INTS2: variants seen among roughly 807,000 people sequenced by gnomAD.
INTS2 encodes integrator complex subunit 2.
A neutral mutation model predicts 139.6 loss-of-function variants in INTS2; 57 were observed. That is an observed-to-expected ratio of 0.41 (90% confidence interval 0.33 to 0.51). The LOEUF (loss-of-function observed/expected upper bound fraction) is 0.51. Among genes scored for constraint, INTS2 ranks in the 20% least tolerant of loss-of-function variants. The pLI, the probability that INTS2 is intolerant of heterozygous loss-of-function variation, is 0.28. For missense variants in INTS2, 1,196 were observed against 1,436.7 expected, an observed-to-expected ratio of 0.83 and a Z score of 2.71; for synonymous variants, 473 against 493.4, an observed-to-expected ratio of 0.96 and a Z score of 0.55.
At chr17:61,878,615 T>C (rs1173539321) in intron 17 of INTS2, among the ~76,000 whole-genome samples, 1 of 149,744 alleles carries the variant, frequency 6.7e-6, no homozygotes, top group East Asian at 2.0e-4. Context: ...AGTGTAGTTG[T>C]TCTTTCATAA....
At position 61,884,937 on chromosome 17, in the gene INTS2, T is replaced by C. The variant is rs2079212050; in HGVS notation, c.2053A>G (p.Ile685Val). 6.2e-7 allele frequency: 1 copy of C among 1,609,136 alleles called. No individual in the cohort carries two copies. Among genetic ancestry groups the C allele is most frequent in the Non-Finnish European group, 8.5e-7 (1 of 1,177,574 alleles). ...LMDQIPIKFL[I>V]RQAQGLQQEL... is the part of the protein sequence containing the mutation. ...TGCTGCAGCCCTTGAGCCTGTCGAA[T>C]AAGGAATTTGATAGGAATCTGATCC... The change falls in exon 16 of 25, where the codon ATT becomes GTT. Residue 685 changes from isoleucine (I) to valine (V), a missense_variant. Physicochemically the swap from Ile to Val is conservative, Grantham distance 29 (BLOSUM62 3). Around this residue, in one of 3 missense-constraint regions of INTS2, gnomAD observed 1,129 missense variants for 1,341.9 expected, o/e 0.84. Transcript: ENST00000251334.
At position 61,900,756 on chromosome 17, in the gene INTS2, G is replaced by A. The variant is rs12452712; in HGVS notation, c.1308-3017C>T. Among the ~76,000 whole-genome samples, 596 of 150,920 alleles carry A rather than the reference G, an allele frequency of 3.9e-3. 12 individuals are homozygous for A. Among genetic ancestry groups the A allele is most frequent in the Admixed American group, 0.033 (499 of 15,170 alleles). On this transcript the variant is annotated intron_variant, in intron 9 of 24. Coordinates refer to ENST00000251334, the MANE Select transcript of INTS2 (RefSeq NM_001351695.2). ...GCAGATCACCTGAGGTCAGGAGTTCGAGACCAGCCTGACCAACATGGAGAA... is the reference window on the plus strand; with the variant it reads ...GCAGATCACCTGAGGTCAGGAGTTCAAGACCAGCCTGACCAACATGGAGAA...
At position 61,873,432 on chromosome 17, in the gene INTS2, G is replaced by A. The variant is rs1391227735; in HGVS notation, c.2583-972C>T. Among the ~76,000 whole-genome samples, 1 of 152,010 alleles carries A rather than the reference G, an allele frequency of 6.6e-6. No individual in the cohort carries two copies. Among genetic ancestry groups the A allele is most frequent in the African/African-American group, 2.4e-5 (1 of 41,398 alleles). On this transcript the variant is annotated intron_variant, in intron 19 of 24. Coordinates refer to ENST00000251334, the MANE Select transcript of INTS2 (RefSeq NM_001351695.2). This position sits in a 1 kb window ranked among gnomAD's most constrained non-coding sequence, Gnocchi z 4.0. ...TCACAAGTTGTTAAGTGAAAAATCC[G>A]AGCTACAAAAACATTAGATACAATT...
rs199743049 is a variant in INTS2, at chr17:61,889,804, C to T, written c.1966G>A (p.Ala656Thr). The change falls in exon 15 of 25, where the codon GCA (alanine) becomes ACA (threonine). Residue 656 changes from alanine (A) to threonine (T), a missense_variant. By Grantham distance (58) the Ala-to-Thr change is moderately conservative. Coordinates refer to ENST00000251334, the MANE Select transcript of INTS2 (RefSeq NM_001351695.2). ...YILSYEEALL[A>T]NTKTLAAMQR... ...AACTTACCTAAAGTCTTCGTGTTTG[C>T]TAGAAGAGCCTCTTCATAAGACAGT... 1.4e-5 allele frequency: 22 copies of T among 1,592,648 alleles called. No homozygotes were observed. The highest frequency in any genetic ancestry group is 1.9e-5 in the Non-Finnish European group (22 of 1,161,906).
intron 5 of INTS2, among the ~76,000 whole-genome samples, chr17:61,919,186 G>T (rs934082337): frequency 6.6e-6 from 1 of 152,032 alleles, no homozygotes; most frequent in Non-Finnish European, 1.5e-5. Flanking sequence ...GCCTCCCAAA[G>T]TGCTGGGATT....
rs1421777233 is a variant in INTS2 at position 61,876,918 on chromosome 17, G to C, written c.2456+969C>G. On this transcript the variant is annotated intron_variant, in intron 18 of 24. Coordinates refer to ENST00000251334, the MANE Select transcript of INTS2 (RefSeq NM_001351695.2). This position sits in a 1 kb window ranked among gnomAD's most constrained non-coding sequence, Gnocchi z 4.1. ...CAACATATATGTTGAGTAAGGGGGA[G>C]GGCACTTGCATAAGAATGAAATTGT... Among the ~76,000 whole-genome samples the C allele has an allele frequency of 6.6e-6, 1 of 152,156 alleles. No individual in the cohort carries two copies. Among genetic ancestry groups the C allele is most frequent in the Admixed American group, 6.5e-5 (1 of 15,284 alleles).
At chr17:61,903,753 C>G (rs2079432861) in intron 9 of INTS2, among the ~76,000 whole-genome samples, 1 of 150,310 alleles carries the variant, frequency 6.7e-6, no homozygotes, top group Non-Finnish European at 1.5e-5. Flanking sequence ...ATAATCATAA[C>G]AACTATATAT....
intron 3 of INTS2, among the ~76,000 whole-genome samples, chr17:61,922,509 A>AAAATATATATATATAT (rs2079654207): frequency 4.1e-5 from 2 of 49,060 alleles, no homozygotes; most frequent in East Asian, 7.7e-4. Context: ...AAAACAAACA[A>AAAATATATATATATAT]ACATATATAT....
chr17:61,911,135 T>C (rs1446668319), intron 7 of INTS2: 3 of 240,326 alleles, frequency 1.2e-5, no homozygotes, highest in African/African-American at 6.7e-5. Flanking sequence ...CAGGCTAAAG[T>C]ACAGTCGCTA....
At chr17:61,874,721 C>A (rs899665783) in intron 19 of INTS2, among the ~76,000 whole-genome samples, 192 bp downstream of exon 19, 1 of 152,044 alleles carries the variant, frequency 6.6e-6, no homozygotes, top group African/African-American at 2.4e-5. Flanking sequence ...TAATCACATA[C>A]TAAATATTAA....
Position 61,927,972 on chromosome 17 carries a change from C to T in INTS2, c.-337G>A. 4 of 1,613,736 alleles carry T rather than the reference C, an allele frequency of 2.5e-6. No individual in the cohort carries two copies. The highest frequency in any genetic ancestry group is 3.4e-6 in the Non-Finnish European group (4 of 1,179,682). On this transcript the variant is annotated 5_prime_UTR_variant, in exon 1 of 25. Coordinates refer to ENST00000251334, the MANE Select transcript of INTS2 (RefSeq NM_001351695.2). ...CCAGCGTCTGACTCCCGTCGGCCAC[C>T]GTACTGGTCTGAGAGGAAGGGTGGC...
At chr17:61,885,944 G>A (rs2079224329) in intron 15 of INTS2, among the ~76,000 whole-genome samples, 1 of 148,286 alleles carries the variant, frequency 6.7e-6, no homozygotes, top group South Asian at 2.1e-4. Context: ...TAGCCAGGAT[G>A]GTCTCGATCT....
At chr17:61,919,210 A>T (rs2079613829) in intron 5 of INTS2, among the ~76,000 whole-genome samples, 190 bp downstream of exon 5, 1 of 152,188 alleles carries the variant, frequency 6.6e-6, no homozygotes, top group South Asian at 2.1e-4. Flanking sequence ...GGTGTGAGCC[A>T]CTGCGCCCAG....
At chr17:61,880,653 C>T (rs937433400) in intron 17 of INTS2, among the ~76,000 whole-genome samples, 5 of 151,854 alleles carry the variant, frequency 3.3e-5, no homozygotes, top group African/African-American at 1.2e-4. Flanking sequence ...TTGTGGGACT[C>T]AGGTAGGAGG....
chr17:61,884,186 C>A (rs1012858025), intron 16 of INTS2, among the ~76,000 whole-genome samples: 3 of 151,872 alleles, frequency 2.0e-5, no homozygotes, highest in African/African-American at 7.3e-5. Flanking sequence ...AGAAAAAAAA[C>A]AAGCCTTAGA....
intron 9 of INTS2, among the ~76,000 whole-genome samples, chr17:61,900,128 T>C (rs183271256): frequency 4.6e-5 from 7 of 152,100 alleles, no homozygotes; most frequent in East Asian, 3.9e-4. Flanking sequence ...AGAGAATATA[T>C]AGATAAATGG....
At chr17:61,913,577 A>C (rs1329007112) in intron 5 of INTS2, among the ~76,000 whole-genome samples, 1 of 152,140 alleles carries the variant, frequency 6.6e-6, no homozygotes, top group Non-Finnish European at 1.5e-5. Context: ...TGGCCTCCCA[A>C]AGTGCTGGGA....
rs559688329 is a variant in INTS2, at chr17:61,871,964, G to C, written c.2778+301C>G. On this transcript the variant is annotated intron_variant, in intron 20 of 24. Transcript: ENST00000251334. The surrounding 1 kb of genome is among the most constrained non-coding windows in gnomAD (Gnocchi z 4.9). The stretch of plus-strand genomic sequence containing the variant: ...ACAAAAAAAACAAAAAAAATGTGCC[G>C]AATGAATAAACATGTAACTCTAAAC... 37 of 214,526 alleles carry C rather than the reference G, an allele frequency of 1.7e-4. No individual in the cohort carries two copies. Among genetic ancestry groups the C allele is most frequent in the African/African-American group, 6.8e-4 (30 of 43,876 alleles). The allele number at this position is 214,526 out of a possible 1,614,324, so 13.3% of individuals were successfully genotyped here. A position where few individuals can be genotyped will look rare whatever the true frequency, so the allele number is the denominator to read the frequency against.
In INTS2 at chr17:61,926,526, C is replaced by G; in HGVS notation, c.119G>C (p.Cys40Ser). ...TGCACAAAGTGCCATCCGTACCAAA[C>G]AGGGCAGAAGAAGTCTTAATTCTGG... ...SDPELRLLLP[C>S]LVRMALCAPA... The change falls in exon 2 of 25, where the codon TGT (cysteine) becomes TCT (serine). Residue 40 changes from cysteine to serine, a missense_variant. Physicochemically the swap from Cys to Ser is moderately radical, Grantham distance 112. Transcript: ENST00000251334. 1.2e-6 allele frequency: 2 copies of G among 1,613,878 alleles called. 1 individual carries two copies. Among genetic ancestry groups the G allele is most frequent in the South Asian group, 2.2e-5 (2 of 91,066 alleles).
Sources: allele counts gnomAD v4.1 joint callset (sites outside exome capture counted in the v4.1 genomes callset), GRCh38; gene constraint gnomAD v4.1.1; regional missense constraint gnomAD v4.1.1; non-coding constraint Gnocchi (gnomAD v3.1); transcripts MANE v1.5; gene names NCBI Gene and HGNC (gene_info 2026-07-23, HGNC 2026-07-21).